Variants in GOLM1 observed in about 807,000 individuals in gnomAD.
The protein encoded by GOLM1 is epididymis luminal protein 46.
A neutral mutation model predicts 50.5 loss-of-function variants in GOLM1; 31 were observed. The ratio of observed to expected loss-of-function variants is 0.61; its 90% CI spans 0.46 to 0.83. The LOEUF (loss-of-function observed/expected upper bound fraction) is 0.83. Ranked by LOEUF, GOLM1 falls within the 40% of genes least tolerant of loss-of-function variation. The pLI is 0.00. For synonymous variants in GOLM1, 178 were observed against 192.8 expected (o/e 0.92, Z 0.64); for missense variants, 491 against 501.3 (o/e 0.98, Z 0.20).
chr9:86,088,420 G>GTATA (rs71505775), intron 1 of GOLM1, among the ~76,000 whole-genome samples: 1,295 of 86,140 alleles, frequency 0.015, 28 homozygotes, highest in African/African-American at 0.027. Context: ...TTTGAAGGGT[G>GTATA]TATATATATA....
intron 5 of GOLM1, among the ~76,000 whole-genome samples, chr9:86,043,638 A>C (rs747389759): frequency 6.6e-6 from 1 of 152,210 alleles, no homozygotes; most frequent in Non-Finnish European, 1.5e-5. Context: ...GAAGCACTGC[A>C]TATCTGGTAC....
intron 5 of GOLM1, among the ~76,000 whole-genome samples, chr9:86,041,411 A>G (rs1833345272): frequency 6.6e-6 from 1 of 152,162 alleles, no homozygotes; most frequent in African/African-American, 2.4e-5. Flanking sequence ...ATTGAGTTCA[A>G]CCCTGTGGCC....
intron 3 of GOLM1, among the ~76,000 whole-genome samples, chr9:86,073,286 A>C (rs1156521601): frequency 6.6e-6 from 1 of 152,106 alleles, no homozygotes; most frequent in Non-Finnish European, 1.5e-5. Context: ...ATTTTTAAAA[A>C]TTCTATATTC....
intron 5 of GOLM1, among the ~76,000 whole-genome samples, chr9:86,043,521 A>C (rs971414071): frequency 2.0e-5 from 3 of 152,218 alleles, no homozygotes; most frequent in African/African-American, 7.2e-5. Context: ...TTGCTAACAA[A>C]GTGTTCGTAC....
At chr9:86,049,302 C>T (rs557754992) in intron 4 of GOLM1, among the ~76,000 whole-genome samples, 5 of 152,244 alleles carry the variant, frequency 3.3e-5, no homozygotes, top group African/African-American at 7.2e-5. Flanking sequence ...GGTCACGTAG[C>T]GTAATGCCTC....
At chr9:86,054,168 A>G (rs1021590335) in intron 3 of GOLM1, among the ~76,000 whole-genome samples, 1 of 152,184 alleles carries the variant, frequency 6.6e-6, no homozygotes, top group Admixed American at 6.5e-5. Context: ...AGTAGGAAGA[A>G]TGAGTGTCAA....
intron 3 of GOLM1, among the ~76,000 whole-genome samples, chr9:86,060,876 CAAAAAAAAA>C (rs753183065): frequency 9.5e-4 from 19 of 19,902 alleles, no homozygotes; most frequent in Non-Finnish European, 1.4e-3. Context: ...GAAACTCTCT[CAAAAAAAAA>C]AAAAAAAAAA....
intron 3 of GOLM1, among the ~76,000 whole-genome samples, chr9:86,054,575 T>C (rs1243560537): frequency 6.6e-6 from 1 of 152,162 alleles, no homozygotes; most frequent in Admixed American, 6.5e-5. Flanking sequence ...TATCACATTT[T>C]AGGAAAAGGG....
chr9:86,041,559 C>G (rs1422745157), intron 5 of GOLM1, among the ~76,000 whole-genome samples: 14 of 152,158 alleles, frequency 9.2e-5, no homozygotes, highest in Admixed American at 9.2e-4. Context: ...GTTCCTGTCT[C>G]CCCCCGGCGC....
intron 1 of GOLM1, among the ~76,000 whole-genome samples, chr9:86,085,648 C>T (rs898819571): frequency 6.6e-6 from 1 of 152,098 alleles, no homozygotes; most frequent in Non-Finnish European, 1.5e-5. Flanking sequence ...CACCCCACCA[C>T]AGGCCCTGGT....
chr9:86,057,936 C>A (rs1251901293), intron 3 of GOLM1, among the ~76,000 whole-genome samples: 1 of 152,202 alleles, frequency 6.6e-6, no homozygotes, highest in East Asian at 1.9e-4. Flanking sequence ...GTGAGTCCAC[C>A]TTAACTTTCA....
At chr9:86,081,293 T>A (rs527475157) in intron 1 of GOLM1, among the ~76,000 whole-genome samples, 182 of 150,632 alleles carry the variant, frequency 1.2e-3, no homozygotes, top group Non-Finnish European at 1.9e-3. Flanking sequence ...GCCTCCCGGG[T>A]TAAAGCGATT....
At chr9:86,069,298 T>C (rs1294614809) in intron 3 of GOLM1, among the ~76,000 whole-genome samples, 2 of 152,224 alleles carry the variant, frequency 1.3e-5, no homozygotes, top group Admixed American at 6.5e-5. Flanking sequence ...TACACAATCA[T>C]TGCAAAAGGC....
intron 3 of GOLM1, among the ~76,000 whole-genome samples, chr9:86,068,652 C>T (rs1157315927): frequency 6.6e-6 from 1 of 152,220 alleles, no homozygotes; most frequent in Non-Finnish European, 1.5e-5. Context: ...AGAGACAACC[C>T]GTTCCCACTG....
At chr9:86,093,717 T>G (rs976003573) in intron 1 of GOLM1, among the ~76,000 whole-genome samples, 1 of 152,224 alleles carries the variant, frequency 6.6e-6, no homozygotes, top group African/African-American at 2.4e-5. Flanking sequence ...GCCTTCTAAT[T>G]ACTTTTTTTA....
intron 1 of GOLM1, among the ~76,000 whole-genome samples, chr9:86,094,358 T>C (rs1254331542): frequency 6.6e-6 from 1 of 152,138 alleles, no homozygotes; most frequent in East Asian, 1.9e-4. Context: ...CTCTAACCCA[T>C]TGGGATTAAA....
In GOLM1 at chr9:86,044,168, T is replaced by C. The variant is rs557547752; in HGVS notation, c.467+2302A>G. Reference sequence around the variant, plus strand: ...CCAGTAGCAGCCTCCTTGTAAGCCATGACAGACAAAAATGTCTCCAAACAT... The same window carrying C: ...CCAGTAGCAGCCTCCTTGTAAGCCACGACAGACAAAAATGTCTCCAAACAT... On this transcript the variant is annotated intron_variant, in intron 5 of 9. Coordinates refer to ENST00000388712, the MANE Select transcript of GOLM1 (RefSeq NM_016548.4). 2.6e-5 allele frequency among the ~76,000 whole-genome samples: 4 copies of C among 152,232 alleles called. No homozygotes were observed. In the East Asian group the frequency reaches 7.7e-4, roughly 29 times the overall value.
At position 86,027,012 on chromosome 9, in the gene GOLM1, C is replaced by G; in HGVS notation, c.*805G>C. On this transcript the variant is annotated 3_prime_UTR_variant, in exon 10 of 10. Coordinates refer to ENST00000388712, the MANE Select transcript of GOLM1 (RefSeq NM_016548.4). ...CCTCTCACCATGCTCTGCTCCAGGT[C>G]AGCCCCCTTTTGGCCTGTTTGTTTT... is the stretch of plus-strand genomic sequence containing the variant. The G allele has an allele frequency of 1.0e-6, 1 of 985,378 alleles. No homozygotes were observed. Among genetic ancestry groups the G allele is most frequent in the Non-Finnish European group, 1.2e-6 (1 of 829,926 alleles). 61.0% of individuals were successfully genotyped at this position (985,378 alleles called of 1,614,324 possible).
intron 1 of GOLM1, among the ~76,000 whole-genome samples, chr9:86,098,161 A>T (rs1835409848): frequency 6.6e-6 from 1 of 152,222 alleles, no homozygotes; most frequent in African/African-American, 2.4e-5. Flanking sequence ...CCATCCTAAC[A>T]ATTCAATTTT....
Sources: allele counts gnomAD v4.1 joint callset (sites outside exome capture counted in the v4.1 genomes callset), GRCh38; gene constraint gnomAD v4.1.1; transcripts MANE v1.5; gene names NCBI Gene and HGNC (gene_info 2026-07-23, HGNC 2026-07-21).